The following HIPK2 variants were observed in gnomAD, a reference collection of about 807,000 sequenced individuals.
HIPK2 encodes the protein homeodomain-interacting protein kinase 2.
HIPK2 carries 27 observed loss-of-function variants against 113.7 expected under a neutral mutation model. The observed-to-expected ratio is 0.24, with a 90% CI of 0.17 to 0.33. The LOEUF is 0.33. HIPK2 is among the 10% of genes least tolerant of loss of function. The probability of loss-of-function intolerance (pLI) is 1.00; values close to 1 mark genes in which losing one functional copy is unlikely to be tolerated. For missense variants in HIPK2, 1,257 were observed against 1,588.0 expected (o/e 0.79, Z 3.54); for synonymous variants, 631 against 642.2 (o/e 0.98, Z 0.26).
intron 2 of HIPK2, among the ~76,000 whole-genome samples, chr7:139,707,424 G>A (rs1191423506): frequency 1.3e-5 from 2 of 152,260 alleles, no homozygotes; most frequent in African/African-American, 4.8e-5. Flanking sequence ...GGCCCTGTCT[G>A]CACTGCTGCG....
chr7:139,617,631 G>T (rs1291239975), intron 7 of HIPK2, among the ~76,000 whole-genome samples: 1 of 152,206 alleles, frequency 6.6e-6, no homozygotes, highest in African/African-American at 2.4e-5. Context: ...TAACCTGAAA[G>T]TTTTAGAAAG....
intron 12 of HIPK2, among the ~76,000 whole-genome samples, chr7:139,589,993 G>A (rs149609174): frequency 1.3e-5 from 2 of 152,312 alleles, no homozygotes; most frequent in East Asian, 3.9e-4. Flanking sequence ...AAAGCTCTGC[G>A]CTCTACCTGA....
chr7:139,574,635 C>G (rs1798427691), intron 14 of HIPK2, among the ~76,000 whole-genome samples: 1 of 152,206 alleles, frequency 6.6e-6, no homozygotes, highest in Non-Finnish European at 1.5e-5. Context: ...AGCCCTGCAC[C>G]CACAGAAACT....
rs1798301478 is a variant in HIPK2 at position 139,572,079 on chromosome 7, G to C, written c.*848C>G. On this transcript the variant is annotated 3_prime_UTR_variant, in exon 15 of 15. Coordinates refer to ENST00000406875, the MANE Select transcript of HIPK2 (RefSeq NM_022740.5). ...GACGACCGCTAGCCCTACGCTACGCGACTAGGGGTGGATTCAAAGAGAAAA... is the reference window on the plus strand; with the variant it reads ...GACGACCGCTAGCCCTACGCTACGCCACTAGGGGTGGATTCAAAGAGAAAA... The C allele has an allele frequency of 6.6e-6, 1 of 152,250 alleles. No individual in the cohort carries two copies. Among genetic ancestry groups the C allele is most frequent in the Non-Finnish European group, 1.5e-5 (1 of 68,046 alleles). 9.4% of individuals were successfully genotyped at this position (152,250 alleles called of 1,614,324 possible).
Position 139,636,378 on chromosome 7 carries a change from T to C in HIPK2, c.1104-4653A>G, listed in dbSNP as rs112443713. The stretch of plus-strand genomic sequence containing the variant: ...TAGATAATTGTTATGGGTTGAATTG[T>C]GTCCCCCTAAAAGTTATGTTGAACT... On this transcript the variant is annotated intron_variant, in intron 2 of 14. Coordinates refer to ENST00000406875, the MANE Select transcript of HIPK2 (RefSeq NM_022740.5). Among the ~76,000 whole-genome samples, 731 of 152,148 alleles carry C rather than the reference T, an allele frequency of 4.8e-3. 4 individuals are homozygous for C. The highest frequency in any genetic ancestry group is 0.017 in the African/African-American group (686 of 41,522).
intron 12 of HIPK2, among the ~76,000 whole-genome samples, chr7:139,588,006 A>C (rs890731849): frequency 1.9e-4 from 29 of 152,176 alleles, no homozygotes; most frequent in Non-Finnish European, 8.8e-5. Flanking sequence ...CAACATGATG[A>C]AACCTTGTCT....
chr7:139,640,941 T>A (rs374624956), intron 2 of HIPK2, among the ~76,000 whole-genome samples: 102 of 152,332 alleles, frequency 6.7e-4, no homozygotes, highest in Middle Eastern at 3.4e-3. Context: ...GCCACTTTCT[T>A]TCTGATATGG....
intron 2 of HIPK2, among the ~76,000 whole-genome samples, chr7:139,685,402 ATCC>A (rs1419841437): frequency 1.0e-3 from 157 of 152,112 alleles, no homozygotes; most frequent in Non-Finnish European, 4.4e-5. Context: ...GGCTCAAGCA[ATCC>A]TCCTTCCTCA....
intron 2 of HIPK2, among the ~76,000 whole-genome samples, chr7:139,690,384 C>T (rs1343242459): frequency 1.4e-5 from 2 of 144,658 alleles, no homozygotes; most frequent in Non-Finnish European, 2.9e-5. Flanking sequence ...TTGTCCCCCT[C>T]CAATCTTATG....
At chr7:139,757,557 G>A (rs1053173584) in intron 1 of HIPK2, among the ~76,000 whole-genome samples, 2 of 152,124 alleles carry the variant, frequency 1.3e-5, no homozygotes, top group East Asian at 3.8e-4. Flanking sequence ...CCTAAAAAAA[G>A]GCATGCGACA....
chr7:139,742,752 C>T lies in HIPK2; in HGVS notation c.20-25737G>A, dbSNP rs946345856. 3.3e-5 allele frequency among the ~76,000 whole-genome samples: 5 copies of T among 152,320 alleles called. No homozygotes were observed. In the South Asian group the frequency reaches 1.0e-3, roughly 32 times the overall value. ...CAGAGAAGCAAAAGGAGCATGAAGA[C>T]TCATCATAGACAGCTGTTCCTATAA... On this transcript the variant is annotated intron_variant, in intron 1 of 14. Coordinates refer to ENST00000406875, the MANE Select transcript of HIPK2 (RefSeq NM_022740.5).
chr7:139,762,761 G>A (rs1022429067), intron 1 of HIPK2, among the ~76,000 whole-genome samples: 4 of 152,212 alleles, frequency 2.6e-5, no homozygotes, highest in Admixed American at 6.5e-5. Flanking sequence ...TATAATGTGC[G>A]TGATGGTAAC....
At chr7:139,701,247 C>A (rs2116848618) in intron 2 of HIPK2, among the ~76,000 whole-genome samples, 1 of 152,304 alleles carries the variant, frequency 6.6e-6, no homozygotes, top group African/African-American at 2.4e-5. Context: ...AACGTGTCCA[C>A]CTGGATTAGT....
intron 13 of HIPK2, among the ~76,000 whole-genome samples, chr7:139,576,721 A>G (rs1388212667): frequency 6.6e-6 from 1 of 152,216 alleles, no homozygotes; most frequent in Non-Finnish European, 1.5e-5. Context: ...CAGAGGATAA[A>G]CCAGATGAAG....
At position 139,575,327 on chromosome 7, in the gene HIPK2, G is replaced by A. The variant is rs759668295; in HGVS notation, c.2966-39C>T. On this transcript the variant is annotated intron_variant, in intron 13 of 14. Coordinates refer to ENST00000406875, the MANE Select transcript of HIPK2 (RefSeq NM_022740.5). The stretch of plus-strand genomic sequence containing the variant: ...AGAAAGAGGTCAGATCAGTGGCAGG[G>A]TCCCAGCTGCCCAGAAGATGCTACC... 3 of 1,530,500 alleles carry A rather than the reference G, an allele frequency of 2.0e-6. No homozygotes were observed. The South Asian group carries it at 3.7e-5, about 19-fold the overall frequency. The allele number at this position is 1,530,500 out of a possible 1,614,324, so 94.8% of individuals were successfully genotyped here. A position where few individuals can be genotyped will look rare whatever the true frequency, so the allele number is the denominator to read the frequency against.
Position 139,654,222 on chromosome 7 carries a change from A to G in HIPK2, c.1104-22497T>C, listed in dbSNP as rs189148793. Among the ~76,000 whole-genome samples the G allele has an allele frequency of 2.5e-3, 380 of 152,282 alleles. 2 individuals carry two copies. The highest frequency in any genetic ancestry group is 4.5e-3 in the Non-Finnish European group (307 of 68,034). On this transcript the variant is annotated intron_variant, in intron 2 of 14. Coordinates refer to ENST00000406875, the MANE Select transcript of HIPK2 (RefSeq NM_022740.5). ...GGCTCTTAAACATCATTAAAAACAC[A>G]TATTTGAGGTTAGGCACAGTGGCTC... is the stretch of plus-strand genomic sequence containing the variant.
intron 12 of HIPK2, among the ~76,000 whole-genome samples, chr7:139,595,641 C>T (rs1348902001): frequency 1.3e-5 from 2 of 151,978 alleles, no homozygotes; most frequent in African/African-American, 4.8e-5. Context: ...ACTAACCCCA[C>T]CCAGAAACAA....
chr7:139,674,388 AG>A (rs1236336684), intron 2 of HIPK2, among the ~76,000 whole-genome samples: 2 of 152,242 alleles, frequency 1.3e-5, no homozygotes, highest in Non-Finnish European at 2.9e-5. Flanking sequence ...GGTATTGATT[AG>A]GTAAAACGGT....
At chr7:139,722,678 C>T (rs1401289667) in intron 1 of HIPK2, among the ~76,000 whole-genome samples, 1 of 151,848 alleles carries the variant, frequency 6.6e-6, no homozygotes, top group Middle Eastern at 3.2e-3. Context: ...GGTAAGCATA[C>T]GTCCTACTGC....
Sources: gnomAD v4.1 joint callset for allele counts (sites outside exome capture counted in the v4.1 genomes callset) on GRCh38, gnomAD v4.1.1 for gene constraint, MANE v1.5 for transcripts, NCBI Gene and HGNC (gene_info 2026-07-23, HGNC 2026-07-21) for gene names.